Variants in ARCN1 observed in about 807,000 individuals in gnomAD.
ARCN1 encodes the protein coatomer subunit delta.
ARCN1 carries 5 observed loss-of-function variants against 60.4 expected under a neutral mutation model. The ratio of observed to expected loss-of-function variants is 0.08; its 90% CI spans 0.04 to 0.17. The LOEUF (loss-of-function observed/expected upper bound fraction) is 0.17. ARCN1 is among the 10% of genes least tolerant of loss of function. ARCN1 has a pLI of 1.00. For missense variants in ARCN1, 464 were observed against 626.5 expected (o/e 0.74, Z 2.77); for synonymous variants, 224 against 220.0 (o/e 1.02, Z -0.16).
At chr11:118,585,021 T>A (rs1390499629) in intron 5 of ARCN1, among the ~76,000 whole-genome samples, 4 of 151,942 alleles carry the variant, frequency 2.6e-5, no homozygotes, top group African/African-American at 9.7e-5. Flanking sequence ...AGAGATGGGG[T>A]TTCGCCGTGT....
chr11:118,581,937 G>GACACACACACACACACACACACACAC (rs34532442), intron 2 of ARCN1, among the ~76,000 whole-genome samples: 1 of 140,704 alleles, frequency 7.1e-6, no homozygotes, highest in Non-Finnish European at 1.6e-5. Context: ...CAGACAGACA[G>GACACACACACACACACACACACACAC]ACACACACAC....
intron 2 of ARCN1, among the ~76,000 whole-genome samples, chr11:118,581,939 C>G (rs1295570488): frequency 2.0e-5 from 3 of 146,464 alleles, no homozygotes; most frequent in Non-Finnish European, 4.5e-5. Context: ...GACAGACAGA[C>G]ACACACACAC....
At chr11:118,585,434 G>GT (rs1938757069) in intron 5 of ARCN1, among the ~76,000 whole-genome samples, 1 of 152,200 alleles carries the variant, frequency 6.6e-6, no homozygotes, top group Non-Finnish European at 1.5e-5. Flanking sequence ...ACCCCACACT[G>GT]TATTTTGGCA....
At position 118,601,738 on chromosome 11, in the gene ARCN1, A is replaced by G. The variant is rs1286177941; in HGVS notation, c.*1024A>G. ...TGTCCTTCCAGTTTAGAACAGTACC[A>G]TGAATCCCACTTGTGTCAATATTAA... On this transcript the variant is annotated 3_prime_UTR_variant, in exon 10 of 10. Transcript: ENST00000264028. The G allele has an allele frequency of 1.4e-6, 1 of 702,928 alleles. No individual in the cohort carries two copies. 43.5% of individuals were successfully genotyped at this position (702,928 alleles called of 1,614,324 possible). A position where few individuals can be genotyped will look rare whatever the true frequency, so the allele number is the denominator to read the frequency against.
intron 5 of ARCN1, among the ~76,000 whole-genome samples, chr11:118,589,494 A>G (rs1185929290): frequency 6.6e-6 from 1 of 152,096 alleles, no homozygotes; most frequent in African/African-American, 2.4e-5. Flanking sequence ...CAGTGGCACC[A>G]TCTCGGCTCA....
chr11:118,584,788 A>C (rs879965978), intron 5 of ARCN1, 144 bp downstream of exon 5: 1 of 781,398 alleles, frequency 1.3e-6, no homozygotes, highest in Non-Finnish European at 1.9e-6. Flanking sequence ...CAGATTCTAC[A>C]TATTAACATA....
chr11:118,601,277 G>C lies in ARCN1; in HGVS notation c.*563G>C, dbSNP rs1555078073. The C allele has an allele frequency of 2.7e-6, 1 of 364,028 alleles. No homozygotes were observed. The highest frequency in any genetic ancestry group is 8.4e-5 in the East Asian group (1 of 11,976). The allele number at this position is 364,028 out of a possible 1,614,324, so 22.5% of individuals were successfully genotyped here. ...GGGTTTCACCGTGTTGCCCAGGCTG[G>C]TCGCGAACTCCTGAGCTCAGGCAAT... On this transcript the variant is annotated 3_prime_UTR_variant, in exon 10 of 10. Transcript: ENST00000264028.
At position 118,572,525 on chromosome 11, in the gene ARCN1, C is replaced by CT; in HGVS notation, c.-23_-22insT. On this transcript the variant is annotated 5_prime_UTR_variant, in exon 1 of 10. Coordinates refer to ENST00000264028, the MANE Select transcript of ARCN1 (RefSeq NM_001655.5). ...ATCCCCAGTGGAGCCGGAGTGCGGG[C>CT]GCGCCCCACCACCGCCCTCACCATG... 1 of 1,611,324 alleles carries CT rather than the reference C, an allele frequency of 6.2e-7. No individual in the cohort carries two copies. The highest frequency in any genetic ancestry group is 1.3e-5 in the African/African-American group (1 of 74,984).
chr11:118,597,018 C>T (rs1326839836), intron 8 of ARCN1, among the ~76,000 whole-genome samples: 2 of 152,166 alleles, frequency 1.3e-5, no homozygotes, highest in African/African-American at 4.8e-5. Context: ...ACCATCCTGG[C>T]CCGCATGGTG....
At chr11:118,600,528 C>T (rs888826552) in intron 9 of ARCN1, 97 bp from the exon 10 acceptor site, 1 of 784,588 alleles carries the variant, frequency 1.3e-6, no homozygotes, top group Non-Finnish European at 2.0e-6. Flanking sequence ...TTTAATACCG[C>T]TTTTAGGGAA....
chr11:118,581,249 C>T lies in ARCN1; in HGVS notation c.7C>T (p.Leu3=). 1 of 1,614,100 alleles carries T rather than the reference C, an allele frequency of 6.2e-7. No individual in the cohort carries two copies. Among genetic ancestry groups the T allele is most frequent in the Non-Finnish European group, 8.5e-7 (1 of 1,179,898 alleles). Residue 3 remains leucine (L), a synonymous_variant, in exon 2 of 10, where the codon CTG becomes TTG. Transcript: ENST00000264028. MV[L]LAAAVCTKAG... ...CTTATGCATATGTTCCTGGCAGGTG[C>T]TGTTGGCAGCAGCGGTCTGCACAAA...
chr11:118,593,166 C>G (rs1165974416), intron 7 of ARCN1, among the ~76,000 whole-genome samples: 1 of 151,664 alleles, frequency 6.6e-6, no homozygotes, highest in Non-Finnish European at 1.5e-5. Context: ...TGGACTCAAG[C>G]CATCCTCCTG....
chr11:118,582,213 G>A (rs953573074), intron 2 of ARCN1, among the ~76,000 whole-genome samples: 1 of 152,040 alleles, frequency 6.6e-6, no homozygotes, highest in African/African-American at 2.4e-5. Flanking sequence ...TGCAATCTCG[G>A]CTCACTGCAA....
intron 1 of ARCN1, among the ~76,000 whole-genome samples, chr11:118,576,342 T>C (rs1449919777): frequency 1.4e-5 from 2 of 147,838 alleles, no homozygotes; most frequent in African/African-American, 2.5e-5. Context: ...ATCTAACTTA[T>C]GGGCCCTCAG....
chr11:118,578,909 T>G (rs1487628120), intron 1 of ARCN1, among the ~76,000 whole-genome samples: 1 of 85,906 alleles, frequency 1.2e-5, no homozygotes, highest in South Asian at 3.8e-4. Flanking sequence ...TTTTTTTTAA[T>G]AAAAAAAGAA....
chr11:118,583,794 T>G lies in ARCN1; in HGVS notation c.448-15T>G. Reference sequence around the variant, plus strand: ...CAAAAAAAAAAGCTACATTAATGTATGTCTTTTTCTGTAGACTCAAGAACG... The same window carrying G: ...CAAAAAAAAAAGCTACATTAATGTAGGTCTTTTTCTGTAGACTCAAGAACG... On this transcript the variant is annotated splice_polypyrimidine_tract_variant and intron_variant, in intron 3 of 9. Transcript: ENST00000264028. 1.4e-5 allele frequency: 22 copies of G among 1,608,644 alleles called. No individual in the cohort carries two copies. Among genetic ancestry groups the G allele is most frequent in the Non-Finnish European group, 1.9e-5 (22 of 1,178,576 alleles).
At chr11:118,600,076 A>C (rs1939116406) in intron 9 of ARCN1, among the ~76,000 whole-genome samples, 1 of 152,236 alleles carries the variant, frequency 6.6e-6, no homozygotes, top group Non-Finnish European at 1.5e-5. Context: ...CAGTGGTTCA[A>C]GTGTTGTATT....
chr11:118,590,579 CA>C, intron 6 of ARCN1, 73 bp downstream of exon 6: 3 of 1,458,704 alleles, frequency 2.1e-6, no homozygotes, highest in Non-Finnish European at 2.8e-6. Flanking sequence ...CTAGAGTTCC[CA>C]ATATGAACCA....
At chr11:118,580,097 C>G (rs1293824819) in intron 1 of ARCN1, among the ~76,000 whole-genome samples, 1 of 152,094 alleles carries the variant, frequency 6.6e-6, no homozygotes, top group African/African-American at 2.4e-5. Flanking sequence ...CCAAGGTGGG[C>G]TGATCACTTG....
Sources: allele counts gnomAD v4.1 joint callset (sites outside exome capture counted in the v4.1 genomes callset), GRCh38; gene constraint gnomAD v4.1.1; transcripts MANE v1.5; gene names NCBI Gene and HGNC (gene_info 2026-07-23, HGNC 2026-07-21).